The following CCDC57 variants were observed in gnomAD, a reference collection of about 807,000 sequenced individuals.
CCDC57 encodes coiled-coil domain-containing protein 57.
Under a neutral mutation model 118.9 loss-of-function variants are expected in CCDC57, and 118 were observed. That is an observed-to-expected ratio of 0.99 (90% CI 0.86 to 1.16). The LOEUF is 1.16. Ranked by LOEUF, CCDC57 falls within the 50% of genes most tolerant of loss-of-function variation. The probability of loss-of-function intolerance (pLI) is 0.00; values close to 1 mark genes in which losing one functional copy is unlikely to be tolerated. For synonymous variants in CCDC57, 527 were observed against 532.9 expected (o/e 0.99, Z 0.15); for missense variants, 1,300 against 1,320.7 (o/e 0.98, Z 0.24).
chr17:82,134,878 A>T (rs1184550728), intron 16 of CCDC57, among the ~76,000 whole-genome samples: 1 of 152,216 alleles, frequency 6.6e-6, no homozygotes, highest in Non-Finnish European at 1.5e-5. Context: ...ATGCTAGCTT[A>T]CTTAGAAATG....
At chr17:82,144,722 T>C (rs2040475439) in intron 16 of CCDC57, among the ~76,000 whole-genome samples, 3 of 152,252 alleles carry the variant, frequency 2.0e-5, no homozygotes, top group Admixed American at 1.3e-4. Context: ...ATTTAACTAA[T>C]AAATTAAATG....
chr17:82,132,155 A>C (rs551672191), intron 17 of CCDC57, among the ~76,000 whole-genome samples: 33 of 151,276 alleles, frequency 2.2e-4, no homozygotes, highest in Admixed American at 6.6e-4. Flanking sequence ...ATAAGAAAGG[A>C]TAGCCAAGAA....
chr17:82,148,440 A>G (rs150728120), intron 16 of CCDC57, among the ~76,000 whole-genome samples: 60 of 506 alleles, frequency 0.12, 1 homozygote, highest in African/African-American at 0.16. Context: ...TGGATGGGTG[A>G]GTGGATGGGT....
chr17:82,177,882 G>T (rs567304450), intron 11 of CCDC57, among the ~76,000 whole-genome samples: 12 of 152,278 alleles, frequency 7.9e-5, no homozygotes, highest in African/African-American at 1.4e-4. Flanking sequence ...GCAGGCCTAG[G>T]GCAGTCCTCC....
intron 1 of CCDC57, among the ~76,000 whole-genome samples, chr17:82,210,221 A>T (rs4789665): frequency 4.0e-5 from 6 of 151,784 alleles, no homozygotes; most frequent in East Asian, 3.9e-4. Flanking sequence ...CGCCCCTGCA[A>T]GCCAGCCTGG....
At chr17:82,104,202 C>T (rs531779698) in intron 19 of CCDC57, among the ~76,000 whole-genome samples, 3 of 152,370 alleles carry the variant, frequency 2.0e-5, no homozygotes, top group Admixed American at 2.0e-4. Flanking sequence ...ACCTGTTTTG[C>T]CGAGCCTGGC....
At chr17:82,139,081 C>T (rs569270092) in intron 16 of CCDC57, among the ~76,000 whole-genome samples, 3 of 152,336 alleles carry the variant, frequency 2.0e-5, no homozygotes, top group Middle Eastern at 3.4e-3. Context: ...CAGCTTCACA[C>T]TTATCTGTAA....
chr17:82,209,614 C>T (rs2050027267), intron 1 of CCDC57, among the ~76,000 whole-genome samples: 1 of 112,124 alleles, frequency 8.9e-6, no homozygotes, highest in Non-Finnish European at 1.8e-5. Context: ...TCCAGAGTAG[C>T]TGGGACTCAG....
At chr17:82,145,916 G>A in intron 16 of CCDC57, 1 of 376,934 alleles carries the variant, frequency 2.7e-6, no homozygotes, top group East Asian at 1.2e-4. Flanking sequence ...AGAGCACAGG[G>A]GACGCCCCGG....
At chr17:82,138,675 G>GCGTGGCCTGCCCCGGGTCGGAAGAGACA (rs1401239625) in intron 16 of CCDC57, among the ~76,000 whole-genome samples, 2 of 150,464 alleles carry the variant, frequency 1.3e-5, no homozygotes, top group African/African-American at 2.4e-5. Context: ...CGGAAGAGAC[G>GCGTGGCCTGCCCCGGGTCGGAAGAGACA]CGTGGCCTGC....
intron 16 of CCDC57, among the ~76,000 whole-genome samples, chr17:82,144,260 C>T (rs982246764): frequency 2.0e-5 from 3 of 152,102 alleles, no homozygotes; most frequent in African/African-American, 4.8e-5. Context: ...TAGTGAGCTA[C>T]GATGGCACCA....
chr17:82,153,344 G>T (rs758818369), intron 15 of CCDC57: 4 of 152,234 alleles, frequency 2.6e-5, no homozygotes, highest in Non-Finnish European at 5.9e-5. Context: ...GAACAATCCC[G>T]AAAACAGATT....
At chr17:82,149,261 G>T (rs184402852) in intron 16 of CCDC57, among the ~76,000 whole-genome samples, 1 of 149,906 alleles carries the variant, frequency 6.7e-6, no homozygotes, top group Non-Finnish European at 1.5e-5. Flanking sequence ...GGATGGATGG[G>T]GGGGGTGGGT....
rs935142723 is a variant in CCDC57 at position 82,105,489 on chromosome 17, C to T, written c.2900-3623G>A. On this transcript the variant is annotated intron_variant, in intron 19 of 19. Coordinates refer to ENST00000665763, the Ensembl canonical transcript of CCDC57. ...ACTTGACTCCCCCCACCCCGAATCT[C>T]CAGAAGCTGCGTGCACCTTTCCAGG... Among the ~76,000 whole-genome samples the T allele has an allele frequency of 2.0e-5, 3 of 152,274 alleles. No individual in the cohort carries two copies. The East Asian group carries it at 5.8e-4, about 29-fold the overall frequency.
intron 16 of CCDC57, among the ~76,000 whole-genome samples, chr17:82,140,154 C>T (rs754703599): frequency 2.0e-5 from 3 of 152,100 alleles, no homozygotes; most frequent in Admixed American, 6.5e-5. Flanking sequence ...AGCGCAATCT[C>T]GGCTCACTGC....
intron 16 of CCDC57, among the ~76,000 whole-genome samples, chr17:82,146,876 C>T (rs540930973): frequency 3.9e-5 from 6 of 152,286 alleles, no homozygotes; most frequent in African/African-American, 9.6e-5. Flanking sequence ...TGTGCAGTCT[C>T]GCAAACAAAC....
intron 18 of CCDC57, among the ~76,000 whole-genome samples, chr17:82,128,203 T>C (rs1478069171): frequency 1.3e-5 from 2 of 152,070 alleles, no homozygotes; most frequent in Non-Finnish European, 2.9e-5. Flanking sequence ...CGATGGGGAA[T>C]GAGCTGAAAT....
At chr17:82,164,903 A>T (rs992016570) in intron 13 of CCDC57, among the ~76,000 whole-genome samples, 1 of 152,232 alleles carries the variant, frequency 6.6e-6, no homozygotes, top group South Asian at 2.1e-4. Context: ...AATAGAGAAT[A>T]CTTTCCAACA....
In CCDC57 at chr17:82,194,262, G is replaced by A. The variant is rs1045324335; in HGVS notation, c.619-123C>T. On this transcript the variant is annotated intron_variant, in intron 5 of 19. Coordinates refer to ENST00000665763, the Ensembl canonical transcript of CCDC57. ...AAGAAAAATGAAAATTCAAGAAGCAGTAAAACAGTGAGAATGTCCTAACAC... is the reference window on the plus strand; with the variant it reads ...AAGAAAAATGAAAATTCAAGAAGCAATAAAACAGTGAGAATGTCCTAACAC... 3 of 994,664 alleles carry A rather than the reference G, an allele frequency of 3.0e-6. No individual in the cohort carries two copies. The Admixed American group carries it at 7.2e-5, about 24-fold the overall frequency. 61.6% of individuals were successfully genotyped at this position (994,664 alleles called of 1,614,324 possible). A position where few individuals can be genotyped will look rare whatever the true frequency, so the allele number is the denominator to read the frequency against.
Sources: allele counts gnomAD v4.1 joint callset (sites outside exome capture counted in the v4.1 genomes callset), GRCh38; gene constraint gnomAD v4.1.1; transcripts MANE v1.5; gene names NCBI Gene and HGNC (gene_info 2026-07-23, HGNC 2026-07-21).